The following PTPRR variants were observed in gnomAD, a reference collection of about 807,000 sequenced individuals.
The protein encoded by PTPRR is protein tyrosine phosphatase receptor type R, also known as receptor-type tyrosine-protein phosphatase R.
In PTPRR, 38 loss-of-function variants were observed where a neutral mutation model predicts 77.2. The observed-to-expected ratio is 0.49, with a 90% CI of 0.38 to 0.65. The LOEUF is 0.65. Ranked by LOEUF, PTPRR falls within the 30% of genes least tolerant of loss-of-function variation. The probability of loss-of-function intolerance (pLI) is 0.00; values close to 1 mark genes in which losing one functional copy is unlikely to be tolerated. For synonymous variants in PTPRR, 299 were observed against 283.1 expected (o/e 1.06, Z -0.57); for missense variants, 744 against 799.2 (o/e 0.93, Z 0.83).
intron 2 of PTPRR, among the ~76,000 whole-genome samples, chr12:70,863,309 T>A (rs1355777698): frequency 6.6e-6 from 1 of 152,138 alleles, no homozygotes; most frequent in Non-Finnish European, 1.5e-5. Context: ...GCTATCAGAA[T>A]AACCAATTTA....
intron 2 of PTPRR, 44 bp from the exon 3 acceptor site, chr12:70,764,822 T>C (rs1329707026): frequency 1.4e-6 from 2 of 1,401,786 alleles, no homozygotes; most frequent in Non-Finnish European, 2.0e-6. Context: ...TAGTATTAAT[T>C]TGTATAGATG....
chr12:70,736,815 G>A (rs1490759643), intron 6 of PTPRR, among the ~76,000 whole-genome samples: 1 of 152,198 alleles, frequency 6.6e-6, no homozygotes, highest in African/African-American at 2.4e-5. Flanking sequence ...TGGGTCATAG[G>A]TTCCAATAGA....
Position 70,784,254 on chromosome 12 carries a change from A to G in PTPRR, c.358-19476T>C, listed in dbSNP as rs575038738. Among the ~76,000 whole-genome samples the G allele has an allele frequency of 5.2e-4, 79 of 152,268 alleles. No individual in the cohort carries two copies. The South Asian group carries it at 0.014, about 27-fold the overall frequency. On this transcript the variant is annotated intron_variant, in intron 2 of 13. Coordinates refer to ENST00000283228, the MANE Select transcript of PTPRR (RefSeq NM_002849.4). ...TGCAGTGGTGGCCTGGACACCTTGC[A>G]GTTGCACCTGGGGAGCTCCCACCTG...
chr12:70,669,627 C>T (rs1039244346), intron 10 of PTPRR, among the ~76,000 whole-genome samples: 6 of 151,448 alleles, frequency 4.0e-5, no homozygotes, highest in Non-Finnish European at 7.4e-5. Context: ...TGCAGTGGCA[C>T]GATCATAGCT....
At chr12:70,887,736 T>C (rs769985517) in intron 2 of PTPRR, among the ~76,000 whole-genome samples, 1 of 151,966 alleles carries the variant, frequency 6.6e-6, no homozygotes, top group African/African-American at 2.4e-5. Context: ...CCAGAGCAGT[T>C]TGCAGGGAGT....
chr12:70,683,122 A>G (rs1887735709), intron 10 of PTPRR, among the ~76,000 whole-genome samples: 1 of 152,198 alleles, frequency 6.6e-6, no homozygotes, highest in Non-Finnish European at 1.5e-5. Context: ...GATGATGTCC[A>G]TTAGCAGCAG....
intron 11 of PTPRR, 104 bp downstream of exon 11, chr12:70,662,391 T>G: frequency 1.6e-6 from 1 of 613,726 alleles, no homozygotes; most frequent in Non-Finnish European, 2.7e-6. Context: ...TAACATTATT[T>G]AATTTGCTTA....
intron 2 of PTPRR, among the ~76,000 whole-genome samples, chr12:70,773,663 C>T (rs974298168): frequency 2.0e-5 from 3 of 152,066 alleles, no homozygotes; most frequent in African/African-American, 7.2e-5. Context: ...TCTTTCTGTT[C>T]CAGGTTAATT....
intron 2 of PTPRR, among the ~76,000 whole-genome samples, chr12:70,833,531 T>C (rs12827087): frequency 0.025 from 3,833 of 152,054 alleles, 92 homozygotes; most frequent in African/African-American, 0.056. Context: ...GGAGCTGGAG[T>C]GCAACAATTT....
intron 13 of PTPRR, among the ~76,000 whole-genome samples, chr12:70,650,110 T>A (rs1886339532): frequency 6.6e-6 from 1 of 152,240 alleles, no homozygotes; most frequent in African/African-American, 2.4e-5. Flanking sequence ...AATGCATTAA[T>A]GCTTATTGTG....
intron 5 of PTPRR, among the ~76,000 whole-genome samples, chr12:70,750,024 A>C (rs117768566): frequency 0.01 from 1,594 of 152,302 alleles, 15 homozygotes; most frequent in Non-Finnish European, 0.015. Context: ...AGTTGCCCAC[A>C]CATTTTTTCT....
At chr12:70,673,096 A>G in intron 10 of PTPRR, 1 of 989,218 alleles carries the variant, frequency 1.0e-6, no homozygotes, top group African/African-American at 1.7e-5. Flanking sequence ...CAGTTCTGGT[A>G]CAATGACATC....
chr12:70,777,708 A>G (rs904350700), intron 2 of PTPRR, among the ~76,000 whole-genome samples: 26 of 152,180 alleles, frequency 1.7e-4, no homozygotes, highest in African/African-American at 6.3e-4. Flanking sequence ...TTCTGTCTGC[A>G]AGCTGGATGG....
At chr12:70,769,499 T>G (rs1485471113) in intron 2 of PTPRR, among the ~76,000 whole-genome samples, 2 of 152,006 alleles carry the variant, frequency 1.3e-5, no homozygotes, top group Admixed American at 1.3e-4. Flanking sequence ...CACTGCTCAA[T>G]GAAATAAAAG....
chr12:70,765,015 A>T (rs1211629204), intron 2 of PTPRR, among the ~76,000 whole-genome samples: 1 of 152,188 alleles, frequency 6.6e-6, no homozygotes, highest in South Asian at 2.1e-4. Context: ...AAAAAGATGT[A>T]TTATAGGGGT....
intron 4 of PTPRR, 188 bp from the exon 5 acceptor site, chr12:70,754,489 T>C (rs1294178619): frequency 1.2e-5 from 19 of 1,557,984 alleles, no homozygotes; most frequent in Non-Finnish European, 1.5e-5. Context: ...TATATCGAGA[T>C]TATTTAGTCT....
chr12:70,641,611 T>C (rs377294688), intron 13 of PTPRR, among the ~76,000 whole-genome samples: 86 of 152,290 alleles, frequency 5.6e-4, no homozygotes, highest in African/African-American at 1.9e-3. Context: ...TTCAGGAAAG[T>C]ATATGAAAAG....
intron 9 of PTPRR, 50 bp from the exon 10 acceptor site, chr12:70,684,314 CAG>C (rs1157365908): frequency 1.3e-6 from 2 of 1,577,898 alleles, no homozygotes; most frequent in South Asian, 2.3e-5. Flanking sequence ...TCATGCCTTG[CAG>C]TGAAAGTGTA....
At position 70,786,640 on chromosome 12, in the gene PTPRR, C is replaced by G. The variant is rs193289558; in HGVS notation, c.358-21862G>C. Among the ~76,000 whole-genome samples the G allele has an allele frequency of 2.6e-5, 4 of 152,276 alleles. No individual in the cohort carries two copies. In the East Asian group the frequency reaches 7.7e-4, roughly 29 times the overall value. On this transcript the variant is annotated intron_variant, in intron 2 of 13. Transcript: ENST00000283228. Reference sequence around the variant, plus strand: ...TCTGATCACAAGAGTAGTTTGAAGTCTAATGCTCCGTGGAAGTGTGTTATA... The same window carrying G: ...TCTGATCACAAGAGTAGTTTGAAGTGTAATGCTCCGTGGAAGTGTGTTATA...
Sources: gnomAD v4.1 joint callset for allele counts (sites outside exome capture counted in the v4.1 genomes callset) on GRCh38, gnomAD v4.1.1 for gene constraint, MANE v1.5 for transcripts, NCBI Gene and HGNC (gene_info 2026-07-23, HGNC 2026-07-21) for gene names.